The following LDB2 variants were observed in gnomAD, a reference collection of about 807,000 sequenced individuals.
LDB2 encodes the protein LIM domain-binding protein 2.
Under a neutral mutation model 44.3 loss-of-function variants are expected in LDB2, and 12 were observed. The observed-to-expected ratio is 0.27, with a 90% CI of 0.17 to 0.44. LDB2 has a LOEUF of 0.44. Among genes scored for constraint, LDB2 ranks in the 20% least tolerant of loss-of-function variants. The pLI is 1.00. For synonymous variants in LDB2, 164 were observed against 174.8 expected (o/e 0.94, Z 0.49); for missense variants, 344 against 473.5 (o/e 0.73, Z 2.54).
intron 2 of LDB2, among the ~76,000 whole-genome samples, chr4:16,668,140 C>T (rs775204231): frequency 5.9e-5 from 8 of 135,416 alleles, no homozygotes; most frequent in Non-Finnish European, 9.4e-5. Flanking sequence ...AATTTTTAAT[C>T]AGATATACGA....
At chr4:16,815,056 C>T (rs1203654343) in intron 1 of LDB2, among the ~76,000 whole-genome samples, 1 of 152,216 alleles carries the variant, frequency 6.6e-6, no homozygotes, top group Non-Finnish European at 1.5e-5. Context: ...TATTTGTTCA[C>T]ATCAACTCTG....
chr4:16,890,516 A>G (rs1723060936), intron 1 of LDB2, among the ~76,000 whole-genome samples: 1 of 152,184 alleles, frequency 6.6e-6, no homozygotes. Flanking sequence ...ACTTCAAATT[A>G]GGCTGGTCCA....
intron 2 of LDB2, among the ~76,000 whole-genome samples, chr4:16,621,537 C>G (rs1050677389): frequency 2.6e-5 from 4 of 152,102 alleles, no homozygotes; most frequent in Admixed American, 2.6e-4. Context: ...ATTCTATAAA[C>G]TTATTTATTT....
rs137916977 is a variant in LDB2 at position 16,511,985 on chromosome 4, C to G, written c.735G>C (p.Pro245=). 6.2e-7 allele frequency: 1 copy of G among 1,612,572 alleles called. No homozygotes were observed. Among genetic ancestry groups the G allele is most frequent in the Non-Finnish European group, 8.5e-7 (1 of 1,179,112 alleles). The change falls in exon 6 of 8, where the codon CCG becomes CCC. Residue 245 remains proline (P), a synonymous_variant. Transcript: ENST00000304523. ...LFQKWQRMVA[P]PAEPTRQPTT... ...GAGTGAAGAATGAGGGTGTACCTGG[C>G]GGAGCCACCATCCTCTGCCACTTCT... is the stretch of plus-strand genomic sequence containing the variant.
At chr4:16,673,679 G>A (rs551491267) in intron 2 of LDB2, among the ~76,000 whole-genome samples, 1 of 152,218 alleles carries the variant, frequency 6.6e-6, no homozygotes, top group South Asian at 2.1e-4. Flanking sequence ...AATGTCTAGA[G>A]ACATTTTTGG....
chr4:16,728,672 A>T (rs1464122536), intron 2 of LDB2, among the ~76,000 whole-genome samples: 1 of 152,338 alleles, frequency 6.6e-6, no homozygotes, highest in East Asian at 1.9e-4. Flanking sequence ...GCCAACTGCA[A>T]TATGAAAATA....
intron 2 of LDB2, among the ~76,000 whole-genome samples, chr4:16,638,447 C>T (rs764571888): frequency 4.6e-5 from 7 of 152,162 alleles, no homozygotes; most frequent in African/African-American, 7.2e-5. Flanking sequence ...CCTTGTCCAA[C>T]GCAGCCCGAT....
chr4:16,613,471 A>G (rs1408021088), intron 2 of LDB2, among the ~76,000 whole-genome samples: 1 of 152,168 alleles, frequency 6.6e-6, no homozygotes, highest in East Asian at 1.9e-4. Context: ...GTCATCCAAC[A>G]TATGTTTATT....
In LDB2 at chr4:16,512,072, C is replaced by T; in HGVS notation, c.648G>A (p.Leu216=). The T allele has an allele frequency of 6.2e-7, 1 of 1,613,422 alleles. No individual in the cohort carries two copies. The highest frequency in any genetic ancestry group is 8.5e-7 in the Non-Finnish European group (1 of 1,179,610). The change falls in exon 6 of 8, where the codon CTG becomes CTA. Residue 216 remains leucine, a synonymous_variant. Transcript: ENST00000304523. ...GGTTGTAAGTTTTATGTCTCGACAT[C>T]AGTTCCTGCATTGGCTCCAATATTA... is the stretch of plus-strand genomic sequence containing the variant. ...LCVILEPMQE[L]MSRHKTYNLS... is the part of the protein sequence containing the mutation.
At chr4:16,609,352 G>A (rs1318841724) in intron 2 of LDB2, among the ~76,000 whole-genome samples, 1 of 23,314 alleles carries the variant, frequency 4.3e-5, no homozygotes, top group South Asian at 1.3e-3. Context: ...GGGAGGGGGC[G>A]GGGGGGGGAG....
At chr4:16,509,852 A>G (rs1379679505) in intron 6 of LDB2, among the ~76,000 whole-genome samples, 3 of 152,158 alleles carry the variant, frequency 2.0e-5, no homozygotes, top group Non-Finnish European at 4.4e-5. Context: ...GCCATGGCTC[A>G]TGGCAATAAT....
chr4:16,890,703 C>A (rs1347492095), intron 1 of LDB2, among the ~76,000 whole-genome samples: 1 of 152,134 alleles, frequency 6.6e-6, no homozygotes, highest in South Asian at 2.1e-4. Context: ...ACTGAGGCCT[C>A]GGTTGCTTGT....
Position 16,588,851 on chromosome 4 carries a change from ACAGT to A in LDB2, c.409-23_409-20del. On this transcript the variant is annotated intron_variant, in intron 3 of 7. Coordinates refer to ENST00000304523, the MANE Select transcript of LDB2 (RefSeq NM_001290.5). The stretch of plus-strand genomic sequence containing the variant: ...TACATACCTGGAAGTGACAAACCAC[ACAGT>A]CATTCATTACGCACTTTGTGAAAGC... The A allele has an allele frequency of 6.2e-7, 1 of 1,612,176 alleles. No homozygotes were observed. Among genetic ancestry groups the A allele is most frequent in the Non-Finnish European group, 8.5e-7 (1 of 1,179,286 alleles).
intron 1 of LDB2, among the ~76,000 whole-genome samples, chr4:16,867,457 A>G (rs1234342659): frequency 6.6e-6 from 1 of 152,090 alleles, no homozygotes; most frequent in Non-Finnish European, 1.5e-5. Flanking sequence ...ACTGCAATCA[A>G]CTCTTAAGAA....
intron 2 of LDB2, among the ~76,000 whole-genome samples, chr4:16,709,045 G>T (rs929531130): frequency 6.6e-6 from 1 of 151,986 alleles, no homozygotes; most frequent in South Asian, 2.1e-4. Context: ...TGAACCATCT[G>T]CTCAGCATCA....
intron 2 of LDB2, among the ~76,000 whole-genome samples, chr4:16,607,646 A>G (rs1421253871): frequency 1.3e-5 from 2 of 151,954 alleles, no homozygotes; most frequent in African/African-American, 2.4e-5. Flanking sequence ...CTACTTAATC[A>G]CTCCCATAAT....
At chr4:16,550,284 C>T (rs75394387) in intron 5 of LDB2, among the ~76,000 whole-genome samples, 4,378 of 152,234 alleles carry the variant, frequency 0.029, 167 homozygotes, top group African/African-American at 0.083. Flanking sequence ...AGTTTCCTTC[C>T]CTATACCCAA....
At chr4:16,563,207 A>G (rs1177394410) in intron 5 of LDB2, among the ~76,000 whole-genome samples, 1 of 151,800 alleles carries the variant, frequency 6.6e-6, no homozygotes, top group South Asian at 2.1e-4. Flanking sequence ...CCTAAAACTT[A>G]AAGTATAATA....
At chr4:16,558,722 A>G (rs1740795524) in intron 5 of LDB2, among the ~76,000 whole-genome samples, 1 of 151,966 alleles carries the variant, frequency 6.6e-6, no homozygotes. Flanking sequence ...CCACAAAGAT[A>G]CTCCTCGAGA....
Sources: allele counts gnomAD v4.1 joint callset (sites outside exome capture counted in the v4.1 genomes callset), GRCh38; gene constraint gnomAD v4.1.1; transcripts MANE v1.5; gene names NCBI Gene and HGNC (gene_info 2026-07-23, HGNC 2026-07-21).